The following BIRC6 variants were observed in gnomAD, a reference collection of about 807,000 sequenced individuals.
BIRC6 encodes dual E2 ubiquitin-conjugating enzyme/E3 ubiquitin-protein ligase BIRC6.
BIRC6 carries 98 observed loss-of-function variants against 503.3 expected under a neutral mutation model. The observed-to-expected ratio is 0.19, with a 90% CI of 0.17 to 0.23. The LOEUF is 0.23. Among genes scored for constraint, BIRC6 ranks in the 10% least tolerant of loss-of-function variants. BIRC6 has a pLI of 1.00. For missense variants in BIRC6, 5,360 were observed against 5,806.0 expected, an observed-to-expected ratio of 0.92 and a Z score of 2.50; for synonymous variants, 2,240 against 2,078.7, an observed-to-expected ratio of 1.08 and a Z score of -2.11.
intron 37 of BIRC6, among the ~76,000 whole-genome samples, chr2:32,481,085 T>C (rs1179186135): frequency 2.0e-5 from 3 of 152,246 alleles, no homozygotes; most frequent in Non-Finnish European, 4.4e-5. Flanking sequence ...TAGCAAAGTT[T>C]ATGCAACTTA....
chr2:32,538,712 C>T (rs1299174902), intron 61 of BIRC6, among the ~76,000 whole-genome samples: 1 of 152,220 alleles, frequency 6.6e-6, no homozygotes, highest in African/African-American at 2.4e-5. Context: ...AGGCAGATCA[C>T]CTGAGCTCAG....
chr2:32,573,370 G>A (rs937330244), intron 65 of BIRC6, among the ~76,000 whole-genome samples: 6 of 151,946 alleles, frequency 3.9e-5, no homozygotes, highest in Admixed American at 6.6e-5. Context: ...GCTAATTTTC[G>A]TATTTAGTAG....
At chr2:32,547,488 C>G (rs976683968) in intron 63 of BIRC6, among the ~76,000 whole-genome samples, 7 of 152,140 alleles carry the variant, frequency 4.6e-5, no homozygotes, top group African/African-American at 1.7e-4. Flanking sequence ...TGTCTTCTTT[C>G]ATTTAGTATA....
chr2:32,429,203 A>G lies in BIRC6; in HGVS notation c.2930A>G (p.Asp977Gly). 6.3e-7 allele frequency: 1 copy of G among 1,583,736 alleles called. No individual in the cohort carries two copies. The highest frequency in any genetic ancestry group is 8.6e-7 in the Non-Finnish European group (1 of 1,163,064). Residue 977 changes from aspartate (D) to glycine (G), a missense_variant, in exon 11 of 74, where the codon GAT becomes GGT. Coordinates refer to ENST00000421745, the MANE Select transcript of BIRC6 (RefSeq NM_016252.4). The part of the protein sequence containing the change: ...GGTCDDIDEA[D>G]ILVDGSLSKG... ...ACCTGTGATGATATTGATGAAGCTGATATACTAGTGGATGGATCTCTTTCT... is the reference window on the plus strand; with the variant it reads ...ACCTGTGATGATATTGATGAAGCTGGTATACTAGTGGATGGATCTCTTTCT...
Position 32,467,674 on chromosome 2 carries a change from G to A in BIRC6, c.5506G>A (p.Asp1836Asn). The A allele has an allele frequency of 6.2e-7, 1 of 1,613,872 alleles. No homozygotes were observed. The highest frequency in any genetic ancestry group is 1.1e-5 in the South Asian group (1 of 91,068). The change falls in exon 27 of 74, where the codon GAT becomes AAT. Residue 1836 changes from aspartate to asparagine, a missense_variant. This residue lies in a region of BIRC6 where 2,299 missense variants were observed against 2,267.2 expected (regional missense o/e 1.01). Transcript: ENST00000421745. ...VDGRRLVVAT[D>N]ISTHSLILHD... is the part of the protein sequence containing the mutation. ...TGGAAGGCGGTTGGTAGTGGCAACT[G>A]ATATAAGCACTCATTCACTAATTCT...
At position 32,543,376 on chromosome 2, in the gene BIRC6, A is replaced by G. The variant is rs776987518; in HGVS notation, c.12427A>G (p.Ile4143Val). The G allele has an allele frequency of 3.8e-5, 61 of 1,613,878 alleles. No homozygotes were observed. Among genetic ancestry groups the G allele is most frequent in the Middle Eastern group, 1.6e-4 (1 of 6,084 alleles). Residue 4143 changes from isoleucine (I) to valine (V), a missense_variant, in exon 62 of 74, where the codon ATC becomes GTC. Ile to Val is a conservative substitution (Grantham distance 29). Coordinates refer to ENST00000421745, the MANE Select transcript of BIRC6 (RefSeq NM_016252.4). ...AACTGTTGCGGCTGAACCTCCACCT[A>G]TCAAGTCAGCAGTACAGACCATGTC... ...PETVAAEPPP[I>V]KSAVQTMSPI... is the part of the protein sequence containing the mutation.
rs760811864 is a variant in BIRC6, at chr2:32,464,722, G to T, written c.5155G>T (p.Val1719Leu). 1.9e-6 allele frequency: 3 copies of T among 1,613,956 alleles called. No individual in the cohort carries two copies. Among genetic ancestry groups the T allele is most frequent in the Non-Finnish European group, 2.5e-6 (3 of 1,179,886 alleles). Reference sequence around the variant, plus strand: ...TCCACCCAATGAAGCAGTTTCCGTTGTGATTAATGCCGAACTTGCACAGCT... The same window carrying T: ...TCCACCCAATGAAGCAGTTTCCGTTTTGATTAATGCCGAACTTGCACAGCT... ...LTPPNEAVSV[V>L]INAELAQLFP... is the part of the protein sequence containing the mutation. The change falls in exon 25 of 74, where the codon GTG becomes TTG. Residue 1719 changes from valine (V) to leucine (L), a missense_variant. Physicochemically the swap from Val to Leu is conservative, Grantham distance 32 (BLOSUM62 1). Transcript: ENST00000421745.
intron 46 of BIRC6, among the ~76,000 whole-genome samples, chr2:32,500,606 G>GTTTTTTTTTTTTT (rs758919928): frequency 2.0e-4 from 24 of 118,276 alleles, no homozygotes; most frequent in East Asian, 7.3e-4. Flanking sequence ...TTTTGTTTTT[G>GTTTTTTTTTTTTT]TTTTTTTTTT....
chr2:32,510,472 C>A (rs1157020054), intron 52 of BIRC6, 54 bp from the exon 53 acceptor site: 1 of 1,019,262 alleles, frequency 9.8e-7, no homozygotes, highest in Non-Finnish European at 1.5e-6. Context: ...GTAAATCTTC[C>A]CATGGTTAAC....
At chr2:32,437,106 T>C (rs1354633459) in intron 15 of BIRC6, among the ~76,000 whole-genome samples, 1 of 151,872 alleles carries the variant, frequency 6.6e-6, no homozygotes, top group Non-Finnish European at 1.5e-5. Flanking sequence ...CCCAGGGTGA[T>C]GTGGAACTCT....
In BIRC6 at chr2:32,461,166, TCCCC is replaced by T. The variant is rs1441768927; in HGVS notation, c.4754-2027_4754-2024del. 3.4e-3 allele frequency among the ~76,000 whole-genome samples: 31 copies of T among 9,046 alleles called. 11 individuals are homozygous for T. The highest frequency in any genetic ancestry group is 0.016 in the African/African-American group (31 of 1,996). The allele number at this position is 9,046 out of a possible 152,430, so 5.9% of individuals were successfully genotyped here. ...CCCTCCCCTCCCCTCCCCTCTCCCC[TCCCC>T]TCTCCCCTCCCCTCTCCCCTCCCCT... On this transcript the variant is annotated intron_variant, in intron 23 of 73. Coordinates refer to ENST00000421745, the MANE Select transcript of BIRC6 (RefSeq NM_016252.4).
In BIRC6 at chr2:32,515,632, T is replaced by G; in HGVS notation, c.11211T>G (p.Ser3737Arg). Residue 3737 changes from serine to arginine, a missense_variant, in exon 55 of 74, where the codon AGT becomes AGG. Transcript: ENST00000421745. ...ATAATTTAGGTGCACAACAGACCAG[T>G]GCAAGATCAGCTTCTCTTTCTTCAG... ...GSHNLGAQQT[S>R]ARSASLSSAA... 6.2e-7 allele frequency: 1 copy of G among 1,612,902 alleles called. No individual in the cohort carries two copies. Among genetic ancestry groups the G allele is most frequent in the Non-Finnish European group, 8.5e-7 (1 of 1,179,880 alleles).
At chr2:32,369,926 TAAAA>T (rs756693528) in intron 1 of BIRC6, among the ~76,000 whole-genome samples, 2,762 of 37,840 alleles carry the variant, frequency 0.073, 261 homozygotes, top group African/African-American at 0.16. Flanking sequence ...CCCTGTCTCT[TAAAA>T]AAAAAAAAAA....
chr2:32,368,126 C>T (rs564146810), intron 1 of BIRC6, among the ~76,000 whole-genome samples: 6 of 152,206 alleles, frequency 3.9e-5, no homozygotes, highest in African/African-American at 7.2e-5. Flanking sequence ...GAAAATACCT[C>T]GCTTGGGCCC....
chr2:32,523,438 T>G (rs987337899), intron 57 of BIRC6: 5 of 152,238 alleles, frequency 3.3e-5, no homozygotes, highest in African/African-American at 1.2e-4. Flanking sequence ...ATGAATTAAT[T>G]TTGTGAATTT....
chr2:32,482,408 T>C (rs71446071), intron 38 of BIRC6, 21 bp from the exon 39 acceptor site: 1 of 1,601,514 alleles, frequency 6.2e-7, no homozygotes, highest in Admixed American at 1.7e-5. Flanking sequence ...TAAACCACAG[T>C]TTTTTTTCCA....
At chr2:32,541,199 T>G (rs1379964480) in intron 61 of BIRC6, among the ~76,000 whole-genome samples, 2 of 152,100 alleles carry the variant, frequency 1.3e-5, no homozygotes, top group Non-Finnish European at 2.9e-5. Context: ...CTGTGCAGCA[T>G]AAAATAATAA....
chr2:32,561,591 G>A (rs1051265029), intron 65 of BIRC6, among the ~76,000 whole-genome samples: 2 of 151,232 alleles, frequency 1.3e-5, no homozygotes, highest in Non-Finnish European at 2.9e-5. Context: ...ATTTGAAATC[G>A]TTCGATTTCA....
At chr2:32,411,061 C>T (rs978411800) in intron 9 of BIRC6, among the ~76,000 whole-genome samples, 12 of 147,470 alleles carry the variant, frequency 8.1e-5, no homozygotes, top group African/African-American at 1.8e-4. Context: ...TCTTTTAAGA[C>T]GGAGTTTTGC....
Sources: allele counts gnomAD v4.1 joint callset (sites outside exome capture counted in the v4.1 genomes callset), GRCh38; gene constraint gnomAD v4.1.1; regional missense constraint gnomAD v4.1.1; transcripts MANE v1.5; gene names NCBI Gene and HGNC (gene_info 2026-07-23, HGNC 2026-07-21).